The following TMEM14A variants were observed in gnomAD, a reference collection of about 807,000 sequenced individuals.
TMEM14A encodes the protein transmembrane protein 14A.
Under a neutral mutation model 11.6 loss-of-function variants are expected in TMEM14A, and 8 were observed. That is an observed-to-expected ratio of 0.69 (90% CI 0.40 to 1.24). The LOEUF (loss-of-function observed/expected upper bound fraction) is 1.24, where lower values mean the gene tolerates loss of function less well. Among genes scored for constraint, TMEM14A ranks in the 50% most tolerant of loss-of-function variants. The pLI is 0.01. For synonymous variants in TMEM14A, 34 were observed against 45.5 expected, an observed-to-expected ratio of 0.75 and a Z score of 1.02; for missense variants, 108 against 121.9, an observed-to-expected ratio of 0.89 and a Z score of 0.54.
chr6:52,674,621 C>T (rs2749045), intron 1 of TMEM14A, among the ~76,000 whole-genome samples: 103,361 of 151,966 alleles, frequency 0.68, 37,169 homozygotes, highest in South Asian at 0.82. Context: ...ATTATAACCT[C>T]TTTATTATTA....
At chr6:52,675,699 T>C (rs2670153) in intron 1 of TMEM14A, among the ~76,000 whole-genome samples, 103,507 of 152,180 alleles carry the variant, frequency 0.68, 37,236 homozygotes, top group South Asian at 0.82. Flanking sequence ...ATGTCTCTGC[T>C]ACCACAGAAG....
intron 1 of TMEM14A, among the ~76,000 whole-genome samples, chr6:52,671,694 C>G (rs1288771666): frequency 6.6e-6 from 1 of 152,164 alleles, no homozygotes; most frequent in Non-Finnish European, 1.5e-5. Flanking sequence ...TCTCTTAATT[C>G]TCCGAATTTT....
chr6:52,674,898 T>G (rs776049795), intron 1 of TMEM14A, among the ~76,000 whole-genome samples: 11 of 151,022 alleles, frequency 7.3e-5, no homozygotes, highest in African/African-American at 2.7e-4. Flanking sequence ...TCTTTTTTTT[T>G]TTTTTTTTTT....
At position 52,686,091 on chromosome 6, in the gene TMEM14A, G is replaced by T. The variant is rs762737721; in HGVS notation, c.*42G>T. Reference sequence around the variant, plus strand: ...AAAACTAAGTTCATGTCATCCTGCTGTAATGGGCAGAGCATATTTTTTTTG... The same window carrying T: ...AAAACTAAGTTCATGTCATCCTGCTTTAATGGGCAGAGCATATTTTTTTTG... On this transcript the variant is annotated 3_prime_UTR_variant, in exon 5 of 5. Transcript: ENST00000211314. 6.3e-7 allele frequency: 1 copy of T among 1,576,438 alleles called. No homozygotes were observed. Among genetic ancestry groups the T allele is most frequent in the East Asian group, 2.3e-5 (1 of 43,892 alleles).
At chr6:52,683,670 G>A (rs1229104792) in intron 3 of TMEM14A, among the ~76,000 whole-genome samples, 3 of 151,662 alleles carry the variant, frequency 2.0e-5, no homozygotes, top group East Asian at 3.9e-4. Context: ...GGAGTGCAGT[G>A]GCGTGATCTC....
At chr6:52,676,185 C>G (rs1330842915) in intron 1 of TMEM14A, among the ~76,000 whole-genome samples, 1 of 152,040 alleles carries the variant, frequency 6.6e-6, no homozygotes, top group Non-Finnish European at 1.5e-5. Context: ...GCTTGAGGTA[C>G]CCCCCAGAGT....
intron 4 of TMEM14A, among the ~76,000 whole-genome samples, chr6:52,685,599 AAAG>A (rs1769478249): frequency 6.6e-6 from 1 of 151,782 alleles, no homozygotes; most frequent in South Asian, 2.1e-4. Flanking sequence ...AAGAAAAAAA[AAAG>A]GAAGAAAAAA....
Position 52,678,341 on chromosome 6 carries a change from G to A in TMEM14A, c.70+1169G>A, listed in dbSNP as rs796951128. 8.3e-3 allele frequency among the ~76,000 whole-genome samples: 1,249 copies of A among 150,406 alleles called. 5 individuals are homozygous for A. The highest frequency in any genetic ancestry group is 0.029 in the South Asian group (135 of 4,714). ...TGTATGTGTGTGTTTGTGTGTGTGTGTGTGTGTGTGTGTGTGTGTGTGTGT... is the reference window on the plus strand; with the variant it reads ...TGTATGTGTGTGTTTGTGTGTGTGTATGTGTGTGTGTGTGTGTGTGTGTGT... On this transcript the variant is annotated intron_variant, in intron 2 of 4. Transcript: ENST00000211314.
rs576564495 is a variant in TMEM14A at position 52,677,734 on chromosome 6, T to C, written c.70+562T>C. On this transcript the variant is annotated intron_variant, in intron 2 of 4. Coordinates refer to ENST00000211314, the MANE Select transcript of TMEM14A (RefSeq NM_014051.4). ...TATGATGTCTCCTAGTTATGTTTCATATATATACACAACCTTTAGTCATCT... is the reference window on the plus strand; with the variant it reads ...TATGATGTCTCCTAGTTATGTTTCACATATATACACAACCTTTAGTCATCT... 3.1e-3 allele frequency among the ~76,000 whole-genome samples: 469 copies of C among 152,338 alleles called. 2 individuals carry two copies. Among genetic ancestry groups the C allele is most frequent in the African/African-American group, 9.4e-3 (392 of 41,574 alleles).
intron 2 of TMEM14A, among the ~76,000 whole-genome samples, chr6:52,681,344 G>A (rs1192393332): frequency 6.6e-6 from 1 of 152,172 alleles, no homozygotes; most frequent in East Asian, 1.9e-4. Flanking sequence ...AATTATTCAG[G>A]ATGGAACCAT....
In TMEM14A at chr6:52,686,064, A is replaced by C. The variant is rs775183603; in HGVS notation, c.*15A>C. On this transcript the variant is annotated 3_prime_UTR_variant, in exon 5 of 5. Transcript: ENST00000211314. ...TGCTGCTCTGAGCATCTGGAGGAAC[A>C]GAAAACTAAGTTCATGTCATCCTGC... 8.7e-6 allele frequency: 14 copies of C among 1,608,828 alleles called. No homozygotes were observed. In the African/African-American group the frequency reaches 1.5e-4, roughly 17 times the overall value.
intron 2 of TMEM14A, among the ~76,000 whole-genome samples, chr6:52,677,374 T>C (rs1243932608): frequency 1.3e-5 from 2 of 152,192 alleles, no homozygotes; most frequent in Non-Finnish European, 2.9e-5. Flanking sequence ...CTGGGGGTTC[T>C]GGGCCTCTCT....
At chr6:52,682,152 T>G (rs904663740) in intron 3 of TMEM14A, among the ~76,000 whole-genome samples, 5 of 152,202 alleles carry the variant, frequency 3.3e-5, no homozygotes, top group African/African-American at 1.2e-4. Flanking sequence ...CTAGAAAAAT[T>G]GAATTAGGAA....
intron 3 of TMEM14A, 91 bp downstream of exon 3, chr6:52,682,005 GTC>G: frequency 2.8e-6 from 3 of 1,079,044 alleles, no homozygotes; most frequent in Admixed American, 4.6e-5. Context: ...AACATATTTA[GTC>G]AAATGGCAAA....
In TMEM14A at chr6:52,680,649, ATG is replaced by A. The variant is rs371258251; in HGVS notation, c.71-1156_71-1155del. On this transcript the variant is annotated intron_variant, in intron 2 of 4. Coordinates refer to ENST00000211314, the MANE Select transcript of TMEM14A (RefSeq NM_014051.4). ...TGTATATATATATGTGTGTATATAT[ATG>A]TGTGTGTATATATATGTGTATATAT... 3.9e-4 allele frequency among the ~76,000 whole-genome samples: 19 copies of A among 48,366 alleles called. 1 individual carries two copies. Among genetic ancestry groups the A allele is most frequent in the African/African-American group, 5.9e-4 (10 of 17,094 alleles). The allele number at this position is 48,366 out of a possible 152,430, so 31.7% of individuals were successfully genotyped here.
At chr6:52,680,547 CATT>C (rs1158049674) in intron 2 of TMEM14A, among the ~76,000 whole-genome samples, 1 of 139,752 alleles carries the variant, frequency 7.2e-6, no homozygotes, top group Non-Finnish European at 1.5e-5. Flanking sequence ...TGTAATTTAA[CATT>C]ATCTCCAACT....
chr6:52,685,902 C>G (rs1482117773), intron 4 of TMEM14A, 108 bp from the exon 5 acceptor site: 1 of 1,014,426 alleles, frequency 9.9e-7, no homozygotes, highest in Non-Finnish European at 1.4e-6. Context: ...GGGAGAGCCC[C>G]CAAGCCAAGG....
chr6:52,677,324 A>G (rs1417942904), intron 2 of TMEM14A, 152 bp downstream of exon 2: 2 of 820,094 alleles, frequency 2.4e-6, no homozygotes, highest in Non-Finnish European at 3.9e-6. Flanking sequence ...CATGAAAGGA[A>G]GAGGCTTCCG....
chr6:52,680,827 G>A (rs1334134197), intron 2 of TMEM14A, among the ~76,000 whole-genome samples: 9 of 149,358 alleles, frequency 6.0e-5, no homozygotes, highest in Non-Finnish European at 8.9e-5. Flanking sequence ...AGAACCTAGC[G>A]TGTTTGTCTT....
Sources: allele counts gnomAD v4.1 joint callset (sites outside exome capture counted in the v4.1 genomes callset), GRCh38; gene constraint gnomAD v4.1.1; transcripts MANE v1.5; gene names NCBI Gene and HGNC (gene_info 2026-07-23, HGNC 2026-07-21).